The following RASGEF1C variants were observed in gnomAD, a reference collection of about 807,000 sequenced individuals.
RASGEF1C encodes RasGEF domain family member 1C.
In RASGEF1C, 27 loss-of-function variants were observed where a neutral mutation model predicts 58.1. The observed-to-expected ratio is 0.46, with a 90% CI of 0.34 to 0.64. The LOEUF is 0.64. RASGEF1C is among the 30% of genes least tolerant of loss of function. RASGEF1C has a pLI of 0.01. For synonymous variants in RASGEF1C, 243 were observed against 246.3 expected (o/e 0.99, Z 0.13); for missense variants, 502 against 605.1 (o/e 0.83, Z 1.79).
At chr5:180,102,165 A>C in intron 12 of RASGEF1C, 22 bp from the exon 13 acceptor site, 1 of 1,404,838 alleles carries the variant, frequency 7.1e-7, no homozygotes, top group Non-Finnish European at 1.0e-6. Flanking sequence ...ATGAAGTGAA[A>C]TTTCACAATT....
rs569798379 is a variant in RASGEF1C, at chr5:180,108,522, G to T, written c.1303+2935C>A. 1.3e-3 allele frequency among the ~76,000 whole-genome samples: 196 copies of T among 152,054 alleles called. 1 individual carries two copies. Among genetic ancestry groups the T allele is most frequent in the African/African-American group, 4.4e-3 (184 of 41,494 alleles). On this transcript the variant is annotated intron_variant, in intron 12 of 13. Transcript: ENST00000361132. ...AGCCGTTTCAGTCTATTTTCTCCCT[G>T]TTGTTCAGATTGTATAATTTCTATT... is the stretch of plus-strand genomic sequence containing the variant.
At chr5:180,194,872 C>A (rs1756237693) in intron 1 of RASGEF1C, among the ~76,000 whole-genome samples, 1 of 152,336 alleles carries the variant, frequency 6.6e-6, no homozygotes, top group Admixed American at 6.5e-5. Context: ...TGCTGAGTGA[C>A]CTGCTGCAGC....
chr5:180,136,222 G>A (rs1279078885), intron 4 of RASGEF1C, among the ~76,000 whole-genome samples, 156 bp downstream of exon 4: 4 of 152,266 alleles, frequency 2.6e-5, no homozygotes, highest in Non-Finnish European at 5.9e-5. Flanking sequence ...CAGCTCGGCA[G>A]TGCCTGATTC....
chr5:180,102,182 G>A, intron 12 of RASGEF1C, 39 bp from the exon 13 acceptor site: 8 of 1,228,036 alleles, frequency 6.5e-6, no homozygotes, highest in Non-Finnish European at 9.6e-6. Flanking sequence ...AATTATGGTT[G>A]ATGATAATAA....
intron 1 of RASGEF1C, among the ~76,000 whole-genome samples, chr5:180,188,339 G>A (rs1405484191): frequency 1.3e-5 from 2 of 152,194 alleles, no homozygotes; most frequent in African/African-American, 4.8e-5. Context: ...GTAGTAGTGA[G>A]TAACTGCTAA....
intron 1 of RASGEF1C, among the ~76,000 whole-genome samples, chr5:180,205,326 A>G (rs1435372327): frequency 6.6e-6 from 1 of 152,224 alleles, no homozygotes; most frequent in East Asian, 1.9e-4. Context: ...TGAAGAAAAA[A>G]CCATTTATAG....
rs1328492574 is a variant in RASGEF1C, at chr5:180,155,292, C to T, written c.-6-17234G>A. Among the ~76,000 whole-genome samples the T allele has an allele frequency of 6.6e-6, 1 of 152,170 alleles. No homozygotes were observed. Among genetic ancestry groups the T allele is most frequent in the Non-Finnish European group, 1.5e-5 (1 of 68,030 alleles). On this transcript the variant is annotated intron_variant, in intron 1 of 13. Coordinates refer to ENST00000361132, the MANE Select transcript of RASGEF1C (RefSeq NM_175062.4). The surrounding 1 kb of genome is among the most constrained non-coding windows in gnomAD (Gnocchi z 5.2). ...CTCCTTTTCTCTCTCCTTGGAAGAG[C>T]CTGGAGCCTGGACACACATTTCATT...
At chr5:180,118,049 A>G (rs1388756904) in intron 10 of RASGEF1C, among the ~76,000 whole-genome samples, 1 of 152,016 alleles carries the variant, frequency 6.6e-6, no homozygotes, top group African/African-American at 2.4e-5. Flanking sequence ...GGGTGAGGAA[A>G]AAGCTTGGTT....
intron 12 of RASGEF1C, among the ~76,000 whole-genome samples, chr5:180,107,839 C>T: frequency 6.6e-6 from 1 of 152,188 alleles, no homozygotes; most frequent in Non-Finnish European, 1.5e-5. Flanking sequence ...TCAGGCTGGT[C>T]TCGAATTCCT....
intron 4 of RASGEF1C, among the ~76,000 whole-genome samples, chr5:180,133,130 C>G (rs534350995): frequency 6.6e-6 from 1 of 152,280 alleles, no homozygotes; most frequent in Admixed American, 6.5e-5. Flanking sequence ...TGAGCTCTAA[C>G]TACTGCGTCC....
chr5:180,137,172 G>T lies in RASGEF1C; in HGVS notation c.300+418C>A, dbSNP rs1236518096. On this transcript the variant is annotated intron_variant, in intron 3 of 13. Transcript: ENST00000361132. The surrounding 1 kb of genome is among the most constrained non-coding windows in gnomAD (Gnocchi z 4.1). ...AGCTAAGTCCTTTTGGTTCAGGCGG[G>T]TTGAAGTTGGGTCTCTCCCACTAGC... Among the ~76,000 whole-genome samples, 3 of 152,174 alleles carry T rather than the reference G, an allele frequency of 2.0e-5. No homozygotes were observed. Among genetic ancestry groups the T allele is most frequent in the African/African-American group, 4.8e-5 (2 of 41,438 alleles).
intron 1 of RASGEF1C, among the ~76,000 whole-genome samples, chr5:180,150,001 A>G (rs1766721801): frequency 6.6e-6 from 1 of 152,128 alleles, no homozygotes; most frequent in Non-Finnish European, 1.5e-5. Context: ...TGGGACTCTC[A>G]CAAAGTGTAT....
At chr5:180,122,495 C>T (rs187838424) in intron 6 of RASGEF1C, among the ~76,000 whole-genome samples, 1 of 152,290 alleles carries the variant, frequency 6.6e-6, no homozygotes, top group East Asian at 1.9e-4. Flanking sequence ...AATCGCAACA[C>T]TTTGGGAGGC....
chr5:180,207,650 C>G (rs1006734158), intron 1 of RASGEF1C, among the ~76,000 whole-genome samples: 1 of 152,194 alleles, frequency 6.6e-6, no homozygotes, highest in East Asian at 1.9e-4. Context: ...CCTCTCCTGC[C>G]CCGGCAGTGC....
At position 180,168,949 on chromosome 5, in the gene RASGEF1C, C is replaced by T. The variant is rs911042705; in HGVS notation, c.-6-30891G>A. Among the ~76,000 whole-genome samples, 1 of 152,138 alleles carries T rather than the reference C, an allele frequency of 6.6e-6. No homozygotes were observed. Among genetic ancestry groups the T allele is most frequent in the Non-Finnish European group, 1.5e-5 (1 of 68,034 alleles). ...AGGCTTGGCTAGAGCGGGGGAAAAA[C>T]GGCAAACCTACTTCCAGCTGGGTAG... On this transcript the variant is annotated intron_variant, in intron 1 of 13. Coordinates refer to ENST00000361132, the MANE Select transcript of RASGEF1C (RefSeq NM_175062.4). This position sits in a 1 kb window ranked among gnomAD's most constrained non-coding sequence, Gnocchi z 6.0.
chr5:180,163,252 T>TTTTTTAG (rs1766972601), intron 1 of RASGEF1C, among the ~76,000 whole-genome samples: 2 of 80,956 alleles, frequency 2.5e-5, no homozygotes, highest in South Asian at 4.4e-4. Flanking sequence ...TTTTTTTTTT[T>TTTTTTAG]CCAGCCTATT....
In RASGEF1C at chr5:180,127,629, C is replaced by T. The variant is rs142747048; in HGVS notation, c.694G>A (p.Asp232Asn). ...EEFVQAFVNK[D>N]PLASTKPCFS... ...CCTACCTTTGTGCTGGCCAGAGGGTCCTTGTTCACAAAGGCCTGGACAAAC... is the reference window on the plus strand; with the variant it reads ...CCTACCTTTGTGCTGGCCAGAGGGTTCTTGTTCACAAAGGCCTGGACAAAC... Residue 232 changes from aspartate to asparagine, a missense_variant, in exon 6 of 14, where the codon GAC becomes AAC. Asp to Asn is a conservative substitution (Grantham distance 23, BLOSUM62 1). Transcript: ENST00000361132. 8 of 1,613,138 alleles carry T rather than the reference C, an allele frequency of 5.0e-6. No homozygotes were observed. The African/African-American group carries it at 1.1e-4, about 22-fold the overall frequency.
intron 1 of RASGEF1C, among the ~76,000 whole-genome samples, chr5:180,166,635 C>T (rs1767024122): frequency 6.6e-6 from 1 of 152,018 alleles, no homozygotes; most frequent in Non-Finnish European, 1.5e-5. Flanking sequence ...CCTGCCTCAG[C>T]CTCCTGAGTA....
chr5:180,110,535 A>G (rs1765941956), intron 12 of RASGEF1C, among the ~76,000 whole-genome samples: 1 of 151,912 alleles, frequency 6.6e-6, no homozygotes, highest in Non-Finnish European at 1.5e-5. Flanking sequence ...CCGCGGGGCC[A>G]TTCCACCCCA....
Sources: gnomAD v4.1 joint callset for allele counts (sites outside exome capture counted in the v4.1 genomes callset) on GRCh38, gnomAD v4.1.1 for gene constraint, Gnocchi (gnomAD v3.1) non-coding constraint, MANE v1.5 for transcripts, NCBI Gene and HGNC (gene_info 2026-07-23, HGNC 2026-07-21) for gene names.